Variants in CLEC16A observed in about 807,000 individuals in gnomAD.
CLEC16A encodes protein CLEC16A.
A neutral mutation model predicts 109.5 loss-of-function variants in CLEC16A; 51 were observed. That is an observed-to-expected ratio of 0.47 (90% confidence interval 0.37 to 0.59). CLEC16A has a LOEUF of 0.59. Ranked by LOEUF, CLEC16A falls within the 20% of genes least tolerant of loss-of-function variation. CLEC16A has a pLI of 0.00. For synonymous variants in CLEC16A, 673 were observed against 564.2 expected (o/e 1.19, Z -2.73); for missense variants, 1,339 against 1,394.0 (o/e 0.96, Z 0.63).
At chr16:10,982,455 G>A (rs944167528) in intron 9 of CLEC16A, among the ~76,000 whole-genome samples, 4 of 152,102 alleles carry the variant, frequency 2.6e-5, no homozygotes, top group Non-Finnish European at 5.9e-5. Context: ...AAAACTCTCC[G>A]GCCCCTTCTT....
chr16:11,139,509 T>C (rs1055656095), intron 22 of CLEC16A, among the ~76,000 whole-genome samples: 5 of 152,244 alleles, frequency 3.3e-5, no homozygotes, highest in Admixed American at 1.3e-4. Flanking sequence ...CCCAGTGTGA[T>C]AGGAATGGCT....
chr16:10,984,390 T>C (rs1360539164), intron 10 of CLEC16A, among the ~76,000 whole-genome samples: 4 of 152,210 alleles, frequency 2.6e-5, no homozygotes, highest in Non-Finnish European at 5.9e-5. Flanking sequence ...ATCCCTTTCT[T>C]GATTCATTCA....
chr16:11,072,939 G>A (rs1200253375), intron 19 of CLEC16A, among the ~76,000 whole-genome samples: 1 of 152,210 alleles, frequency 6.6e-6, no homozygotes, highest in Non-Finnish European at 1.5e-5. Context: ...TTCTTGGAAA[G>A]ATGACTTTCA....
At chr16:11,140,152 G>C (rs1223749607) in intron 22 of CLEC16A, among the ~76,000 whole-genome samples, 1 of 152,184 alleles carries the variant, frequency 6.6e-6, no homozygotes, top group African/African-American at 2.4e-5. Flanking sequence ...GCTCTGCAGA[G>C]CTTCTGGGGT....
chr16:11,167,821 C>T (rs1166059635), intron 23 of CLEC16A, among the ~76,000 whole-genome samples: 1 of 152,218 alleles, frequency 6.6e-6, no homozygotes, highest in African/African-American at 2.4e-5. Context: ...CACATCCAAG[C>T]AGATGCCACC....
In CLEC16A at chr16:11,090,396, AT is replaced by A. The variant is rs2050237676; in HGVS notation, c.2116+29376del. On this transcript the variant is annotated intron_variant, in intron 19 of 23. Coordinates refer to ENST00000409790, the MANE Select transcript of CLEC16A (RefSeq NM_015226.3). ...ATTCATGGAATGATTCTTAGGGGCC[AT>A]TGTCAGGAAAGGGACCATGGACAAC... Among the ~76,000 whole-genome samples the A allele has an allele frequency of 3.3e-5, 5 of 152,198 alleles. No individual in the cohort carries two copies. In the South Asian group the frequency reaches 8.3e-4, roughly 25 times the overall value.
chr16:11,101,080 C>G (rs572867601), intron 19 of CLEC16A, among the ~76,000 whole-genome samples: 10 of 152,242 alleles, frequency 6.6e-5, no homozygotes, highest in African/African-American at 2.4e-4. Flanking sequence ...GAACAAATGT[C>G]ATGTTATTTT....
At chr16:11,028,678 C>G (rs2046566008) in intron 13 of CLEC16A, among the ~76,000 whole-genome samples, 1 of 151,804 alleles carries the variant, frequency 6.6e-6, no homozygotes, top group Non-Finnish European at 1.5e-5. Context: ...GTATTTAATT[C>G]TGTGAATTTT....
chr16:11,149,619 C>G (rs969449494), intron 22 of CLEC16A, among the ~76,000 whole-genome samples: 4 of 151,980 alleles, frequency 2.6e-5, no homozygotes, highest in Non-Finnish European at 5.9e-5. Flanking sequence ...TGGCAAAACC[C>G]CATCTCCACT....
At position 10,973,046 on chromosome 16, in the gene CLEC16A, T is replaced by C. The variant is rs776553109; in HGVS notation, c.713T>C (p.Val238Ala). The C allele has an allele frequency of 6.2e-7, 1 of 1,606,264 alleles. No individual in the cohort carries two copies. The part of the protein sequence containing the change: ...GSHVIELDDC[V>A]QTDEEHRNRG... ...CATGTGATCGAACTCGATGACTGCG[T>C]GCAGACTGATGAGGAGTAAGTGACA... Residue 238 changes from valine to alanine, a missense_variant, in exon 7 of 24, where the codon GTG becomes GCG. By Grantham distance (64) the Val-to-Ala change is moderately conservative. Coordinates refer to ENST00000409790, the MANE Select transcript of CLEC16A (RefSeq NM_015226.3).
rs762475999 is a variant in CLEC16A at position 11,178,447 on chromosome 16, C to T, written c.2919C>T (p.Ala973=). Residue 973 remains alanine, a synonymous_variant, in exon 24 of 24, where the codon GCC becomes GCT. Coordinates refer to ENST00000409790, the MANE Select transcript of CLEC16A (RefSeq NM_015226.3). The surrounding 1 kb of genome is among the most constrained non-coding windows in gnomAD (Gnocchi z 6.5). ...GCAAGAACGTGGCCAGGAGCGCAGC[C>T]GTGGAGACAGCCAGCCTGTCCCCCA... The part of the protein sequence containing the change: ...KPSKNVARSA[A]VETASLSPSL... 1.1e-5 allele frequency: 18 copies of T among 1,613,446 alleles called. No individual in the cohort carries two copies. The highest frequency in any genetic ancestry group is 8.3e-5 in the Admixed American group (5 of 60,012).
chr16:11,028,075 C>G (rs866003739), intron 13 of CLEC16A, among the ~76,000 whole-genome samples: 1 of 152,204 alleles, frequency 6.6e-6, no homozygotes, highest in South Asian at 2.1e-4. Flanking sequence ...TGGCGCATGC[C>G]TGTAATCCCA....
Position 10,954,479 on chromosome 16 carries a change from A to G in CLEC16A, c.81-3303A>G, listed in dbSNP as rs945099203. 6.6e-6 allele frequency among the ~76,000 whole-genome samples: 1 copy of G among 152,238 alleles called. No homozygotes were observed. The highest frequency in any genetic ancestry group is 1.5e-5 in the Non-Finnish European group (1 of 68,038). On this transcript the variant is annotated intron_variant, in intron 1 of 23. Coordinates refer to ENST00000409790, the MANE Select transcript of CLEC16A (RefSeq NM_015226.3). The surrounding 1 kb of genome is among the most constrained non-coding windows in gnomAD (Gnocchi z 4.2). ...TAACAATAGCTAGCACTTGTATCATACATAGTAACTGCCAAGTTAGTTATC... is the reference window on the plus strand; with the variant it reads ...TAACAATAGCTAGCACTTGTATCATGCATAGTAACTGCCAAGTTAGTTATC...
chr16:11,079,091 T>A (rs937573602), intron 19 of CLEC16A, among the ~76,000 whole-genome samples: 2 of 152,152 alleles, frequency 1.3e-5, no homozygotes, highest in Admixed American at 1.3e-4. Context: ...CACAGCTACA[T>A]GTGTGCTCAG....
At chr16:11,096,465 A>T (rs139581688) in intron 19 of CLEC16A, among the ~76,000 whole-genome samples, 5 of 152,316 alleles carry the variant, frequency 3.3e-5, no homozygotes, top group African/African-American at 1.2e-4. Context: ...GCACACAGAG[A>T]CCCACGGGAG....
chr16:11,030,982 C>G (rs1485098663), intron 13 of CLEC16A, among the ~76,000 whole-genome samples: 12 of 152,212 alleles, frequency 7.9e-5, no homozygotes. Flanking sequence ...TGTGGCATGT[C>G]TTTTCATTTT....
At chr16:11,143,128 A>T (rs2053913503) in intron 22 of CLEC16A, among the ~76,000 whole-genome samples, 1 of 152,178 alleles carries the variant, frequency 6.6e-6, no homozygotes, top group African/African-American at 2.4e-5. Flanking sequence ...GTAAACATTT[A>T]TTGAGCACCT....
At position 11,073,571 on chromosome 16, in the gene CLEC16A, G is replaced by A. The variant is rs542599311; in HGVS notation, c.2116+12549G>A. 1.8e-3 allele frequency among the ~76,000 whole-genome samples: 271 copies of A among 152,164 alleles called. 1 individual carries two copies. The highest frequency in any genetic ancestry group is 5.1e-3 in the African/African-American group (210 of 41,546). ...AACTCTCAGATCCTCGCAGTGCAGC[G>A]GCCCAAGCTACCCACGACACTCCTC... is the stretch of plus-strand genomic sequence containing the variant. On this transcript the variant is annotated intron_variant, in intron 19 of 23. Coordinates refer to ENST00000409790, the MANE Select transcript of CLEC16A (RefSeq NM_015226.3).
intron 19 of CLEC16A, among the ~76,000 whole-genome samples, chr16:11,094,081 T>C (rs11644615): frequency 6.6e-6 from 1 of 152,180 alleles, no homozygotes; most frequent in Non-Finnish European, 1.5e-5. Flanking sequence ...TTTGTAACTG[T>C]GGCATTAGGA....
Sources: allele counts gnomAD v4.1 joint callset (sites outside exome capture counted in the v4.1 genomes callset), GRCh38; gene constraint gnomAD v4.1.1; non-coding constraint Gnocchi (gnomAD v3.1); transcripts MANE v1.5; gene names NCBI Gene and HGNC (gene_info 2026-07-23, HGNC 2026-07-21).